The following STIM2 variants were observed in gnomAD, a reference collection of about 807,000 sequenced individuals.
The protein encoded by STIM2 is stromal interaction molecule 2.
Under a neutral mutation model 85.8 loss-of-function variants are expected in STIM2, and 31 were observed. That is an observed-to-expected ratio of 0.36 (90% CI 0.27 to 0.49). The LOEUF (loss-of-function observed/expected upper bound fraction) is 0.49. STIM2 is among the 20% of genes least tolerant of loss of function. The pLI is 0.98. For synonymous variants in STIM2, 356 were observed against 331.1 expected (o/e 1.08, Z -0.82); for missense variants, 841 against 927.6 (o/e 0.91, Z 1.21).
chr4:26,864,900 C>A (rs1722343809), intron 1 of STIM2, among the ~76,000 whole-genome samples: 1 of 152,074 alleles, frequency 6.6e-6, no homozygotes, highest in South Asian at 2.1e-4. Flanking sequence ...AAATGTGAAA[C>A]TGAACTTTTA....
At chr4:26,919,897 TCTGA>T (rs1230690240) in intron 2 of STIM2, among the ~76,000 whole-genome samples, 1 of 152,194 alleles carries the variant, frequency 6.6e-6, no homozygotes, top group African/African-American at 2.4e-5. Flanking sequence ...TGTATCCTAT[TCTGA>T]CTGTATTTTA....
intron 1 of STIM2, among the ~76,000 whole-genome samples, chr4:26,872,048 G>C (rs546303419): frequency 6.6e-6 from 1 of 152,088 alleles, no homozygotes; most frequent in South Asian, 2.1e-4. Context: ...GCCTGGCAAG[G>C]GTAAGTATTC....
rs59956383 is a variant in STIM2, at chr4:26,893,771, ATT to A, written c.152-25724_152-25723del. On this transcript the variant is annotated intron_variant, in intron 1 of 11. Transcript: ENST00000467087. ...TCACGAACATTGGTATTAAACATTCATTTTTTTTTTGAAGTTGAGCATCATTT... is the reference window on the plus strand; with the variant it reads ...TCACGAACATTGGTATTAAACATTCATTTTTTTTGAAGTTGAGCATCATTT... Among the ~76,000 whole-genome samples, 26 of 151,190 alleles carry A rather than the reference ATT, an allele frequency of 1.7e-4. No homozygotes were observed. In the East Asian group the frequency reaches 4.7e-3, roughly 27 times the overall value.
intron 3 of STIM2, among the ~76,000 whole-genome samples, chr4:26,989,907 G>A (rs1027991599): frequency 6.6e-6 from 1 of 152,094 alleles, no homozygotes; most frequent in Non-Finnish European, 1.5e-5. Context: ...AACCAAGGAA[G>A]TGAAAAATCT....
At chr4:26,960,436 A>G (rs1415731545) in intron 3 of STIM2, among the ~76,000 whole-genome samples, 2 of 152,204 alleles carry the variant, frequency 1.3e-5, no homozygotes, top group African/African-American at 2.4e-5. Flanking sequence ...AAATATATGC[A>G]TTCATTCTTT....
Position 27,023,070 on chromosome 4 carries a change from T to G in STIM2, c.*74T>G, listed in dbSNP as rs1363638946. ...ATCCCCCACCCTCCACTCCCCACCT[T>G]TTTTTTGGTTTAATTTTAGGAATGT... On this transcript the variant is annotated 3_prime_UTR_variant, in exon 12 of 12. Transcript: ENST00000467087. 1.4e-6 allele frequency: 2 copies of G among 1,416,156 alleles called. No homozygotes were observed. The highest frequency in any genetic ancestry group is 2.1e-5 in the Admixed American group (1 of 47,878). 87.7% of individuals were successfully genotyped at this position (1,416,156 alleles called of 1,614,324 possible).
chr4:26,957,751 C>A, intron 3 of STIM2, 25 bp downstream of exon 3: 1 of 1,452,156 alleles, frequency 6.9e-7, no homozygotes, highest in Non-Finnish European at 9.5e-7. Flanking sequence ...GTGATCTGGC[C>A]CCCTCCCCTT....
At chr4:26,977,927 G>A (rs1174144256) in intron 3 of STIM2, among the ~76,000 whole-genome samples, 1 of 152,166 alleles carries the variant, frequency 6.6e-6, no homozygotes. Flanking sequence ...TGGGGACCTA[G>A]ACGCTTAGTG....
At position 26,906,431 on chromosome 4, in the gene STIM2, AGTTT is replaced by A. The variant is rs532059402; in HGVS notation, c.152-13064_152-13061del. ...GATGTATCCATGAACCCAAAATACA[AGTTT>A]GTTTGTTTTTTTTTTTTTTTTTTGA... On this transcript the variant is annotated intron_variant, in intron 1 of 11. Coordinates refer to ENST00000467087, the MANE Select transcript of STIM2 (RefSeq NM_020860.4). Among the ~76,000 whole-genome samples, 762 of 149,480 alleles carry A rather than the reference AGTTT, an allele frequency of 5.1e-3. 7 individuals carry two copies. The highest frequency in any genetic ancestry group is 0.018 in the African/African-American group (732 of 40,646).
chr4:26,914,499 G>C, intron 1 of STIM2, among the ~76,000 whole-genome samples: 1 of 152,010 alleles, frequency 6.6e-6, no homozygotes, highest in East Asian at 1.9e-4. Context: ...TTGTTTATTT[G>C]TATATCTGTC....
At chr4:26,944,169 C>T (rs936233219) in intron 2 of STIM2, among the ~76,000 whole-genome samples, 5 of 152,048 alleles carry the variant, frequency 3.3e-5, no homozygotes, top group African/African-American at 9.7e-5. Flanking sequence ...ACAGTCTAAT[C>T]TAGGAAACAA....
At chr4:26,934,319 C>T (rs544279768) in intron 2 of STIM2, among the ~76,000 whole-genome samples, 9 of 152,198 alleles carry the variant, frequency 5.9e-5, no homozygotes, top group East Asian at 1.9e-4. Context: ...TTTTGGGTGT[C>T]GGCAACCCAA....
chr4:26,911,978 A>C (rs550746452), intron 1 of STIM2, among the ~76,000 whole-genome samples: 7 of 152,338 alleles, frequency 4.6e-5, no homozygotes, highest in Admixed American at 4.6e-4. Flanking sequence ...GAAGAGAAGG[A>C]AGACATTATT....
intron 3 of STIM2, among the ~76,000 whole-genome samples, chr4:26,973,519 G>A (rs1191604636): frequency 6.6e-6 from 1 of 152,172 alleles, no homozygotes; most frequent in African/African-American, 2.4e-5. Flanking sequence ...TCAGGGGCAA[G>A]TTGTTCAGTT....
chr4:26,939,910 A>G (rs1725537122), intron 2 of STIM2, among the ~76,000 whole-genome samples: 3 of 152,208 alleles, frequency 2.0e-5, no homozygotes, highest in South Asian at 2.1e-4. Context: ...TCATGTATGT[A>G]TATACCACAA....
At chr4:26,973,765 A>C (rs1160543027) in intron 3 of STIM2, among the ~76,000 whole-genome samples, 4 of 152,202 alleles carry the variant, frequency 2.6e-5, no homozygotes, top group Admixed American at 2.6e-4. Context: ...CGCTTGGTGC[A>C]GAGCTGAGTT....
chr4:27,010,073 T>G (rs888917120), intron 10 of STIM2, among the ~76,000 whole-genome samples: 1 of 152,226 alleles, frequency 6.6e-6, no homozygotes, highest in African/African-American at 2.4e-5. Context: ...TATTCTAGTT[T>G]TAAGTGATTG....
intron 1 of STIM2, among the ~76,000 whole-genome samples, chr4:26,889,734 A>G (rs143979085): frequency 6.6e-5 from 10 of 152,124 alleles, no homozygotes; most frequent in African/African-American, 1.9e-4. Flanking sequence ...CCTCCTTCCT[A>G]TGGCCTCTTC....
At chr4:26,885,821 T>TTATATATATATATATATA (rs56851120) in intron 1 of STIM2, among the ~76,000 whole-genome samples, 29 of 84,614 alleles carry the variant, frequency 3.4e-4, no homozygotes, top group Non-Finnish European at 5.9e-4. Context: ...GCACCTCAGG[T>TTATATATATATATATATA]TATATATATA....
Sources: gnomAD v4.1 joint callset for allele counts (sites outside exome capture counted in the v4.1 genomes callset) on GRCh38, gnomAD v4.1.1 for gene constraint, MANE v1.5 for transcripts, NCBI Gene and HGNC (gene_info 2026-07-23, HGNC 2026-07-21) for gene names.